The following ALKBH8 variants were observed in gnomAD, a reference collection of about 807,000 sequenced individuals.
ALKBH8 encodes the protein tRNA (carboxymethyluridine(34)-5-O)-methyltransferase ALKBH8.
In ALKBH8, 36 loss-of-function variants were observed where a neutral mutation model predicts 59.8. That is an observed-to-expected ratio of 0.60 (90% CI 0.46 to 0.79). The LOEUF is 0.79. Ranked by LOEUF, ALKBH8 falls within the 30% of genes least tolerant of loss-of-function variation. ALKBH8 has a pLI of 0.00. For synonymous variants in ALKBH8, 276 were observed against 273.6 expected, an observed-to-expected ratio of 1.01 and a Z score of -0.09; for missense variants, 768 against 801.0, an observed-to-expected ratio of 0.96 and a Z score of 0.50.
Position 107,504,780 on chromosome 11 carries a change from G to A in ALKBH8, c.1873C>T (p.Arg625Cys), listed in dbSNP as rs1451366525. Residue 625 changes from arginine to cysteine, a missense_variant, in exon 12 of 12, where the codon CGT (arginine) becomes TGT (cysteine). Physicochemically the swap from Arg to Cys is radical, Grantham distance 180 (BLOSUM62 -3). Coordinates refer to ENST00000428149, the MANE Select transcript of ALKBH8 (RefSeq NM_138775.3). ...CCCTCACGGAACACATGGTAGTAAC[G>A]ATGAAACACAGGACTTGGGTCCTGG... ...GSQDPSPVFH[R>C]YYHVFREGEL... The A allele has an allele frequency of 5.2e-6, 8 of 1,551,882 alleles. No individual in the cohort carries two copies. Among genetic ancestry groups the A allele is most frequent in the Admixed American group, 3.9e-5 (2 of 50,982 alleles).
Position 107,532,513 on chromosome 11 carries a change from A to G in ALKBH8, c.772-107T>C, listed in dbSNP as rs1863638997. 8.3e-6 allele frequency: 7 copies of G among 847,092 alleles called. No individual in the cohort carries two copies. The South Asian group carries it at 9.5e-5, about 12-fold the overall frequency. 52.5% of individuals were successfully genotyped at this position (847,092 alleles called of 1,614,324 possible). A position where few individuals can be genotyped will look rare whatever the true frequency, so the allele number is the denominator to read the frequency against. ...ATTTTTCTAGGCTAACAGAGATTAA[A>G]ACATAATAATGCTTGCAGAAAAGCA... On this transcript the variant is annotated intron_variant, in intron 7 of 11. Transcript: ENST00000428149.
chr11:107,505,808 T>G (rs1862358919), intron 11 of ALKBH8, among the ~76,000 whole-genome samples: 1 of 152,152 alleles, frequency 6.6e-6, no homozygotes, highest in Admixed American at 6.5e-5. Context: ...TATCTGCAAA[T>G]TCATAATGTG....
At position 107,532,457 on chromosome 11, in the gene ALKBH8, C is replaced by T. The variant is rs752789299; in HGVS notation, c.772-51G>A. 2.2e-6 allele frequency: 3 copies of T among 1,382,444 alleles called. No homozygotes were observed. In the Admixed American group the frequency reaches 5.2e-5, roughly 24 times the overall value. The allele number at this position is 1,382,444 out of a possible 1,614,324, so 85.6% of individuals were successfully genotyped here. A position where few individuals can be genotyped will look rare whatever the true frequency, so the allele number is the denominator to read the frequency against. On this transcript the variant is annotated intron_variant, in intron 7 of 11. Transcript: ENST00000428149. ...GATCAATCCAAAATTTCATATACTC[C>T]AAGGATAAGAATGATTAATAGAGTT...
intron 6 of ALKBH8, 100 bp downstream of exon 6, chr11:107,551,704 AAAAT>A: frequency 5.2e-6 from 2 of 381,564 alleles, no homozygotes; most frequent in Non-Finnish European, 4.2e-6. Context: ...CAAAAAAAAA[AAAAT>A]AATAATAATA....
At chr11:107,543,323 A>T (rs937079581) in intron 7 of ALKBH8, among the ~76,000 whole-genome samples, 7 of 152,152 alleles carry the variant, frequency 4.6e-5, no homozygotes, top group Admixed American at 1.3e-4. Flanking sequence ...CAACAGAGAG[A>T]GACTTCGTCT....
chr11:107,515,904 A>C (rs1328319390), intron 10 of ALKBH8, among the ~76,000 whole-genome samples: 1 of 152,248 alleles, frequency 6.6e-6, no homozygotes, highest in Non-Finnish European at 1.5e-5. Context: ...CAATTAGGCA[A>C]ACCATTTTTT....
intron 11 of ALKBH8, among the ~76,000 whole-genome samples, chr11:107,509,373 T>G (rs1368462360): frequency 1.3e-5 from 2 of 152,216 alleles, no homozygotes; most frequent in African/African-American, 4.8e-5. Flanking sequence ...GTTGTATTTT[T>G]GTTGTTCTTT....
intron 1 of ALKBH8, 79 bp downstream of exon 1, chr11:107,565,500 CAGCCCTAGCTGGCAAGGCGGAT>C (rs1865095883): frequency 2.0e-6 from 3 of 1,510,162 alleles, no homozygotes; most frequent in Non-Finnish European, 2.7e-6. Context: ...CCTAGGTTCT[CAGCCCTAGCTGGCAAGGCGGAT>C]AGAGAAGACC....
intron 1 of ALKBH8, among the ~76,000 whole-genome samples, chr11:107,561,515 G>C (rs1162614779): frequency 6.6e-6 from 1 of 152,146 alleles, no homozygotes; most frequent in Non-Finnish European, 1.5e-5. Context: ...TACATGGTAG[G>C]TGTAGGTGTT....
At chr11:107,531,068 A>T (rs934741117) in intron 8 of ALKBH8, among the ~76,000 whole-genome samples, 8 of 152,130 alleles carry the variant, frequency 5.3e-5, no homozygotes, top group African/African-American at 1.9e-4. Context: ...AATGGATCAC[A>T]TCATCATTTT....
At chr11:107,528,828 A>T (rs1863456740) in intron 8 of ALKBH8, among the ~76,000 whole-genome samples, 1 of 152,172 alleles carries the variant, frequency 6.6e-6, no homozygotes, top group African/African-American at 2.4e-5. Context: ...ATATAAAAAC[A>T]GTTTTATAGA....
chr11:107,505,238 A>ATTCC lies in ALKBH8; in HGVS notation c.1438-24_1438-23insGGAA, dbSNP rs755755364. On this transcript the variant is annotated intron_variant, in intron 11 of 11. Coordinates refer to ENST00000428149, the MANE Select transcript of ALKBH8 (RefSeq NM_138775.3). ...CTCCTAATGAAAAAAAACAAAACAC[A>ATTCC]TGATCAACCTGGAAGAGACAGGAAA... 2.9e-4 allele frequency: 427 copies of ATTCC among 1,496,154 alleles called. 1 individual carries two copies. The highest frequency in any genetic ancestry group is 2.8e-3 in the Middle Eastern group (16 of 5,694). 92.7% of individuals were successfully genotyped at this position (1,496,154 alleles called of 1,614,324 possible).
Position 107,522,367 on chromosome 11 carries a change from C to G in ALKBH8, c.1219G>C (p.Gly407Arg). 1 of 1,551,596 alleles carries G rather than the reference C, an allele frequency of 6.4e-7. No homozygotes were observed. The highest frequency in any genetic ancestry group is 8.7e-7 in the Non-Finnish European group (1 of 1,146,948). Residue 407 changes from glycine to arginine, a missense_variant, in exon 10 of 12, where the codon GGT becomes CGT. By Grantham distance (125) the Gly-to-Arg change is moderately radical (BLOSUM62 -2). Transcript: ENST00000428149. ...CATCCAATATCAGCCACTATTGAAC[C>G]ACTTGGCAAAGCCTTCAAAAACTCC... is the stretch of plus-strand genomic sequence containing the variant. The part of the protein sequence containing the change: ...IVEFLKALPS[G>R]SIVADIGCGN...
intron 8 of ALKBH8, among the ~76,000 whole-genome samples, chr11:107,531,653 A>G (rs990382994): frequency 2.0e-5 from 3 of 152,334 alleles, no homozygotes; most frequent in Non-Finnish European, 2.9e-5. Context: ...GTATTTTATC[A>G]ATGTTGAATT....
intron 10 of ALKBH8, among the ~76,000 whole-genome samples, chr11:107,517,901 G>T (rs1360068142): frequency 6.6e-6 from 1 of 152,166 alleles, no homozygotes; most frequent in Non-Finnish European, 1.5e-5. Context: ...TAGGAGAATG[G>T]ATGGTAAATG....
At chr11:107,547,967 C>T (rs145393802) in intron 7 of ALKBH8, among the ~76,000 whole-genome samples, 6 of 152,102 alleles carry the variant, frequency 3.9e-5, no homozygotes, top group African/African-American at 7.2e-5. Flanking sequence ...TCTTCTAGGG[C>T]GCTGGGGGGG....
chr11:107,550,486 A>G (rs926523693), intron 6 of ALKBH8, among the ~76,000 whole-genome samples: 4 of 152,278 alleles, frequency 2.6e-5, no homozygotes, highest in East Asian at 1.9e-4. Flanking sequence ...GAGCTAACAC[A>G]TGCTCCTTCA....
Position 107,525,427 on chromosome 11 carries a change from G to A in ALKBH8, c.1030+14C>T, listed in dbSNP as rs965612984. 2 of 1,538,522 alleles carry A rather than the reference G, an allele frequency of 1.3e-6. No homozygotes were observed. The highest frequency in any genetic ancestry group is 1.4e-5 in the African/African-American group (1 of 71,750). On this transcript the variant is annotated intron_variant, in intron 9 of 11. Transcript: ENST00000428149. ...TGACTCCATTTTACAGACGAGATAA[G>A]AGTATATACTTACTACAGTTACAAG...
chr11:107,556,750 A>T lies in ALKBH8; in HGVS notation c.367+16T>A, dbSNP rs972875054. 18 of 1,310,904 alleles carry T rather than the reference A, an allele frequency of 1.4e-5. No individual in the cohort carries two copies. The highest frequency in any genetic ancestry group is 1.8e-5 in the Non-Finnish European group (18 of 1,014,880). The allele number at this position is 1,310,904 out of a possible 1,614,324, so 81.2% of individuals were successfully genotyped here. On this transcript the variant is annotated intron_variant, in intron 3 of 11. Coordinates refer to ENST00000428149, the MANE Select transcript of ALKBH8 (RefSeq NM_138775.3). ...CCAGAAGAATCATTTTTTAAAAGATAATTGTATGATAATACCTTTTTCCAC... is the reference window on the plus strand; with the variant it reads ...CCAGAAGAATCATTTTTTAAAAGATTATTGTATGATAATACCTTTTTCCAC...
Sources: gnomAD v4.1 joint callset for allele counts (sites outside exome capture counted in the v4.1 genomes callset) on GRCh38, gnomAD v4.1.1 for gene constraint, MANE v1.5 for transcripts, NCBI Gene and HGNC (gene_info 2026-07-23, HGNC 2026-07-21) for gene names.